Variants in DPP6 observed in about 807,000 individuals in gnomAD.
The protein encoded by DPP6 is A-type potassium channel modulatory protein DPP6.
In DPP6, 69 loss-of-function variants were observed where a neutral mutation model predicts 122.6. The observed-to-expected ratio is 0.56, with a 90% confidence interval of 0.46 to 0.69. The LOEUF is 0.69. DPP6 is among the 30% of genes least tolerant of loss of function. DPP6 has a pLI of 0.00. For synonymous variants in DPP6, 418 were observed against 433.1 expected (o/e 0.97, Z 0.43); for missense variants, 928 against 1,116.9 (o/e 0.83, Z 2.41).
chr7:154,256,336 A>C (rs1802659241), intron 1 of DPP6, among the ~76,000 whole-genome samples: 1 of 152,326 alleles, frequency 6.6e-6, no homozygotes, highest in African/African-American at 2.4e-5. Context: ...CCCCTGCAGA[A>C]GGCAGGCACC....
chr7:154,421,533 A>G (rs965937121), intron 1 of DPP6, among the ~76,000 whole-genome samples: 4 of 152,206 alleles, frequency 2.6e-5, no homozygotes, highest in Admixed American at 6.5e-5. Flanking sequence ...CATGTTGGCC[A>G]GGCTGGTCTT....
In DPP6 at chr7:154,530,516, G is replaced by GA. The variant is rs1162458588; in HGVS notation, c.458-10012dup. 2.0e-5 allele frequency among the ~76,000 whole-genome samples: 3 copies of GA among 152,110 alleles called. No homozygotes were observed. The East Asian group carries it at 5.8e-4, about 29-fold the overall frequency. On this transcript the variant is annotated intron_variant, in intron 3 of 25. Transcript: ENST00000377770. ...CAACAGATGTTGGCAAGGTTGCAGA[G>GA]AAAATGTAGCACTTTTACACCTTGG...
At chr7:154,685,744 T>C (rs113104976) in intron 7 of DPP6, among the ~76,000 whole-genome samples, 2 of 152,364 alleles carry the variant, frequency 1.3e-5, no homozygotes, top group African/African-American at 4.8e-5. Context: ...TCAACATGCA[T>C]GGCTTGGCCA....
chr7:154,097,394 C>T (rs1395905029), intron 1 of DPP6, among the ~76,000 whole-genome samples: 2 of 152,248 alleles, frequency 1.3e-5, no homozygotes, highest in Non-Finnish European at 2.9e-5. Flanking sequence ...CGCCGTGCTG[C>T]GAGCCCTTTG....
rs149137643 is a variant in DPP6 at position 154,815,586 on chromosome 7, A to G, written c.1666+8474A>G. The stretch of plus-strand genomic sequence containing the variant: ...TTCTAAGAAATGTCCAAATGCCACC[A>G]GGAAAGTGAGTTCCGTGTATGAATT... On this transcript the variant is annotated intron_variant, in intron 16 of 25. Transcript: ENST00000377770. Among the ~76,000 whole-genome samples the G allele has an allele frequency of 3.2e-3, 490 of 152,372 alleles. 2 individuals are homozygous for G. The highest frequency in any genetic ancestry group is 0.011 in the African/African-American group (464 of 41,590).
At chr7:154,666,888 A>G (rs1838201221) in intron 6 of DPP6, among the ~76,000 whole-genome samples, 1 of 152,136 alleles carries the variant, frequency 6.6e-6, no homozygotes, top group South Asian at 2.1e-4. Flanking sequence ...TTAAGTGTGT[A>G]CTTTATTAGG....
At chr7:154,245,826 A>G (rs571934874) in intron 1 of DPP6, among the ~76,000 whole-genome samples, 91 of 152,204 alleles carry the variant, frequency 6.0e-4, no homozygotes, top group African/African-American at 2.1e-3. Context: ...ACAGAACTCA[A>G]TAAATTCGCA....
the DPP6 span, among the ~76,000 whole-genome samples, chr7:153,839,760 T>C: frequency 6.6e-6 from 1 of 152,206 alleles, no homozygotes; most frequent in African/African-American, 2.4e-5. Context: ...CACAGTCACT[T>C]GGAGGACTCA....
intron 1 of DPP6, among the ~76,000 whole-genome samples, chr7:154,343,753 G>A (rs1810136925): frequency 6.6e-6 from 1 of 152,130 alleles, no homozygotes; most frequent in Admixed American, 6.5e-5. Flanking sequence ...GCTAATTTTT[G>A]TATTATTAGT....
chr7:153,802,999 A>G, the DPP6 span, among the ~76,000 whole-genome samples: 1 of 150,862 alleles, frequency 6.6e-6, no homozygotes, highest in Non-Finnish European at 1.5e-5. Flanking sequence ...TCCTAGAAAA[A>G]CATGCTTCAG....
chr7:153,897,919 C>T (rs1218913971), intron 1 of DPP6, among the ~76,000 whole-genome samples: 2 of 152,250 alleles, frequency 1.3e-5, no homozygotes, highest in African/African-American at 2.4e-5. Flanking sequence ...TGATAGAAAA[C>T]AGCATTCTGG....
chr7:154,223,648 C>A (rs1800429967), intron 1 of DPP6, among the ~76,000 whole-genome samples: 1 of 149,008 alleles, frequency 6.7e-6, no homozygotes, highest in Non-Finnish European at 1.5e-5. Flanking sequence ...AAACATGTGG[C>A]CAAGTCCTGT....
At chr7:154,631,961 G>T (rs749017513) in intron 5 of DPP6, among the ~76,000 whole-genome samples, 1 of 152,114 alleles carries the variant, frequency 6.6e-6, no homozygotes, top group Non-Finnish European at 1.5e-5. Flanking sequence ...TTTGCAAATT[G>T]GGCAGCCTCC....
upstream of DPP6, among the ~76,000 whole-genome samples, chr7:153,883,697 A>G (rs1798817724): frequency 1.3e-5 from 2 of 152,088 alleles, no homozygotes; most frequent in South Asian, 4.1e-4. Flanking sequence ...TCTTACAGAG[A>G]CCTCTTAGCC....
intron 1 of DPP6, among the ~76,000 whole-genome samples, chr7:154,383,890 CAAAAAA>C (rs375015144): frequency 2.8e-5 from 3 of 106,516 alleles, no homozygotes; most frequent in Middle Eastern, 5.6e-3. Context: ...ACTCTGTCTC[CAAAAAA>C]AAAAAAAAAA....
rs890609054 is a variant in DPP6, at chr7:154,040,035, C to G, written c.51+152301C>G. 5.3e-5 allele frequency among the ~76,000 whole-genome samples: 6 copies of G among 112,738 alleles called. 2 individuals are homozygous for G. The highest frequency in any genetic ancestry group is 7.4e-5 in the Non-Finnish European group (4 of 53,912). 74.0% of individuals were successfully genotyped at this position (112,738 alleles called of 152,430 possible). ...GCGATGTCAAGCTCCAAGTTGTTCTCAGTGTGCTCAACAGCAGCGCTTTTA... is the reference window on the plus strand; with the variant it reads ...GCGATGTCAAGCTCCAAGTTGTTCTGAGTGTGCTCAACAGCAGCGCTTTTA... On this transcript the variant is annotated intron_variant, in intron 1 of 25. Coordinates refer to the DPP6 transcript ENST00000404039.
intron 1 of DPP6, among the ~76,000 whole-genome samples, chr7:154,259,282 AT>A (rs1163296432): frequency 6.6e-6 from 1 of 152,164 alleles, no homozygotes; most frequent in Non-Finnish European, 1.5e-5. Context: ...ACAAAGTCAC[AT>A]TTTCAAAGCA....
At chr7:154,433,138 T>TTTTTTTTTTTG (rs1818570876) in intron 1 of DPP6, among the ~76,000 whole-genome samples, 7 of 22,972 alleles carry the variant, frequency 3.0e-4, no homozygotes, top group African/African-American at 8.7e-4. Context: ...GACTGCAAGT[T>TTTTTTTTTTTG]TTTTTTTTTT....
At chr7:154,147,562 C>A (rs1245220547) in intron 1 of DPP6, among the ~76,000 whole-genome samples, 6,470 of 144,372 alleles carry the variant, frequency 0.045, no homozygotes, top group African/African-American at 0.16. Flanking sequence ...TCACTGCAAC[C>A]TCCGTCTCCC....
Sources: allele counts gnomAD v4.1 joint callset (sites outside exome capture counted in the v4.1 genomes callset), GRCh38; gene constraint gnomAD v4.1.1; transcripts MANE v1.5; gene names NCBI Gene and HGNC (gene_info 2026-07-23, HGNC 2026-07-21).